The following SNAPC1 variants were observed in gnomAD, a reference collection of about 807,000 sequenced individuals.
SNAPC1 encodes the protein small nuclear RNA activating complex polypeptide 1, also known as snRNA-activating protein complex subunit 1.
SNAPC1 carries 42 observed loss-of-function variants against 50.1 expected under a neutral mutation model. That is an observed-to-expected ratio of 0.84 (90% confidence interval 0.65 to 1.08). The LOEUF (loss-of-function observed/expected upper bound fraction) is 1.08, where lower values mean the gene tolerates loss of function less well. Among genes scored for constraint, SNAPC1 ranks in the 50% least tolerant of loss-of-function variants. The probability of loss-of-function intolerance (pLI) is 0.00; values close to 1 mark genes in which losing one functional copy is unlikely to be tolerated. For missense variants in SNAPC1, 477 were observed against 427.3 expected, an observed-to-expected ratio of 1.12 and a Z score of -1.02; for synonymous variants, 164 against 144.2, an observed-to-expected ratio of 1.14 and a Z score of -0.98.
chr14:61,782,125 C>A, intron 7 of SNAPC1, 122 bp from the exon 8 acceptor site: 1 of 761,314 alleles, frequency 1.3e-6, no homozygotes, highest in South Asian at 2.1e-5. Context: ...TAGTAAAGTA[C>A]TTTATGACAG....
intron 4 of SNAPC1, 120 bp downstream of exon 4, chr14:61,768,860 A>G (rs531173669): frequency 5.3e-6 from 3 of 563,204 alleles, no homozygotes; most frequent in South Asian, 5.1e-5. Flanking sequence ...CCACTCTAGG[A>G]TGCTATTTCT....
chr14:61,787,204 C>T (rs543508881), intron 8 of SNAPC1, among the ~76,000 whole-genome samples: 2 of 152,266 alleles, frequency 1.3e-5, no homozygotes, highest in South Asian at 2.1e-4. Context: ...ATTTTCGTTG[C>T]AGTGGTAGAT....
chr14:61,787,717 A>T (rs116407666), intron 8 of SNAPC1, among the ~76,000 whole-genome samples: 4,955 of 152,280 alleles, frequency 0.033, 285 homozygotes, highest in African/African-American at 0.11. Context: ...CATACTCCTA[A>T]ATTTGGTTTT....
chr14:61,763,506 T>TC (rs2044924455), intron 1 of SNAPC1, among the ~76,000 whole-genome samples: 1 of 80,674 alleles, frequency 1.2e-5, no homozygotes, highest in Non-Finnish European at 2.7e-5. Flanking sequence ...TTTTTTTTTT[T>TC]CTTTGGGCCC....
chr14:61,773,039 T>C (rs2045005052), intron 4 of SNAPC1, among the ~76,000 whole-genome samples: 1 of 152,204 alleles, frequency 6.6e-6, no homozygotes, highest in Admixed American at 6.5e-5. Context: ...AATTCTTAAA[T>C]TTAATACTTT....
At chr14:61,791,605 T>A (rs1225384546) in intron 8 of SNAPC1, among the ~76,000 whole-genome samples, 4 of 152,142 alleles carry the variant, frequency 2.6e-5, no homozygotes, top group Non-Finnish European at 5.9e-5. Flanking sequence ...CCCAGCAGTT[T>A]GGGAGGTTGA....
chr14:61,779,523 TC>T (rs1307205293), intron 7 of SNAPC1, among the ~76,000 whole-genome samples: 1 of 152,024 alleles, frequency 6.6e-6, no homozygotes, highest in Non-Finnish European at 1.5e-5. Context: ...TGATATTTTT[TC>T]ATTACCAGTA....
chr14:61,793,846 G>A (rs1261081589), intron 9 of SNAPC1, among the ~76,000 whole-genome samples: 2 of 151,754 alleles, frequency 1.3e-5, no homozygotes, highest in Admixed American at 6.6e-5. Context: ...TGTAGAGATG[G>A]GGTTTCACCG....
chr14:61,792,272 G>A (rs2045157531), intron 8 of SNAPC1, among the ~76,000 whole-genome samples: 1 of 152,068 alleles, frequency 6.6e-6, no homozygotes, highest in African/African-American at 2.4e-5. Flanking sequence ...AATTTGGTTG[G>A]GATACTTCTT....
chr14:61,774,647 CATTTTT>C (rs2045020484), intron 4 of SNAPC1, among the ~76,000 whole-genome samples: 1 of 87,782 alleles, frequency 1.1e-5, no homozygotes, highest in Non-Finnish European at 2.3e-5. Context: ...ATCAGTTTCT[CATTTTT>C]TTTTTTTTTT....
At chr14:61,778,637 A>C (rs575892464) in intron 6 of SNAPC1, among the ~76,000 whole-genome samples, 5 of 152,288 alleles carry the variant, frequency 3.3e-5, no homozygotes, top group African/African-American at 9.6e-5. Context: ...ATCTCTAACT[A>C]TGGGGATGGT....
chr14:61,769,988 T>C (rs908244655), intron 4 of SNAPC1, among the ~76,000 whole-genome samples: 1 of 152,202 alleles, frequency 6.6e-6, no homozygotes, highest in African/African-American at 2.4e-5. Context: ...AAATTTTCTT[T>C]AAGCCTAAAT....
chr14:61,776,897 C>T (rs1280755050), intron 5 of SNAPC1, among the ~76,000 whole-genome samples: 2 of 152,198 alleles, frequency 1.3e-5, no homozygotes, highest in Non-Finnish European at 2.9e-5. Flanking sequence ...GATGCTAGAG[C>T]TACCCATATT....
At chr14:61,793,649 TTTTCTTTTTTTC>T (rs1323715919) in intron 9 of SNAPC1, among the ~76,000 whole-genome samples, 71 of 34,818 alleles carry the variant, frequency 2.0e-3, no homozygotes, top group African/African-American at 3.7e-3. Context: ...TTTTTTTTTC[TTTTCTTTTTTTC>T]TTTTTTTTTT....
intron 9 of SNAPC1, among the ~76,000 whole-genome samples, chr14:61,793,734 G>A (rs1451264617): frequency 1.4e-5 from 2 of 139,482 alleles, no homozygotes; most frequent in Non-Finnish European, 3.0e-5. Flanking sequence ...TCAGCTCACT[G>A]CAAACACCAT....
intron 8 of SNAPC1, among the ~76,000 whole-genome samples, chr14:61,787,939 G>A (rs1340508432): frequency 6.6e-6 from 1 of 151,552 alleles, no homozygotes; most frequent in East Asian, 1.9e-4. Flanking sequence ...TTGAAGACCT[G>A]AAAAAAAAAT....
At chr14:61,783,343 T>A (rs1323339472) in intron 8 of SNAPC1, among the ~76,000 whole-genome samples, 1 of 151,886 alleles carries the variant, frequency 6.6e-6, no homozygotes, top group Non-Finnish European at 1.5e-5. Context: ...CAGTGCATAT[T>A]TTAGTAGTAA....
At chr14:61,766,513 A>G (rs1339841840) in intron 1 of SNAPC1, among the ~76,000 whole-genome samples, 2 of 152,264 alleles carry the variant, frequency 1.3e-5, no homozygotes, top group African/African-American at 4.8e-5. Context: ...ATACTTCTTT[A>G]TAGCACCAAA....
intron 6 of SNAPC1, 126 bp from the exon 7 acceptor site, chr14:61,778,722 A>T (rs1291739843): frequency 3.0e-6 from 2 of 670,514 alleles, no homozygotes; most frequent in Non-Finnish European, 5.3e-6. Context: ...TACCCAATGT[A>T]TGTTAGTTTC....
Sources: allele counts gnomAD v4.1 joint callset (sites outside exome capture counted in the v4.1 genomes callset), GRCh38; gene constraint gnomAD v4.1.1; transcripts MANE v1.5; gene names NCBI Gene and HGNC (gene_info 2026-07-23, HGNC 2026-07-21).